Variants in DAP3 observed in about 807,000 individuals in gnomAD.
DAP3 encodes small ribosomal subunit protein mS29.
Under a neutral mutation model 51.9 loss-of-function variants are expected in DAP3, and 28 were observed. The ratio of observed to expected loss-of-function variants is 0.54; its 90% CI spans 0.40 to 0.74. The LOEUF (loss-of-function observed/expected upper bound fraction) is 0.74, where lower values mean the gene tolerates loss of function less well. Ranked by LOEUF, DAP3 falls within the 30% of genes least tolerant of loss-of-function variation. DAP3 has a pLI of 0.00. For synonymous variants in DAP3, 170 were observed against 170.3 expected (o/e 1.00, Z 0.01); for missense variants, 458 against 483.5 (o/e 0.95, Z 0.49).
intron 3 of DAP3, among the ~76,000 whole-genome samples, chr1:155,717,911 T>C (rs1042005455): frequency 6.6e-6 from 1 of 152,192 alleles, no homozygotes; most frequent in African/African-American, 2.4e-5. Flanking sequence ...TGATTTCTTT[T>C]TGTTGCTGCC....
rs371471347 is a variant in DAP3, at chr1:155,691,854, C to G, written c.-8+2680C>G. 2.1e-5 allele frequency among the ~76,000 whole-genome samples: 3 copies of G among 141,144 alleles called. No individual in the cohort carries two copies. In the East Asian group the frequency reaches 5.8e-4, roughly 27 times the overall value. The allele number at this position is 141,144 out of a possible 152,430, so 92.6% of individuals were successfully genotyped here. Reference sequence around the variant, plus strand: ...TTTGGGGGACCAGTCTCAGCACCACCCGTAGGGTATCCGAAGTCCGGTGGC... The same window carrying G: ...TTTGGGGGACCAGTCTCAGCACCACGCGTAGGGTATCCGAAGTCCGGTGGC... On this transcript the variant is annotated intron_variant, in intron 1 of 12. Transcript: ENST00000368336.
intron 2 of DAP3, 30 bp from the exon 3 acceptor site, chr1:155,716,976 C>T (rs373060703): frequency 3.8e-5 from 60 of 1,599,012 alleles, no homozygotes; most frequent in Non-Finnish European, 5.0e-5. Flanking sequence ...GTTTGATAAC[C>T]CCGTAACACT....
At chr1:155,694,474 G>A (rs1381029291) in intron 1 of DAP3, among the ~76,000 whole-genome samples, 3 of 141,654 alleles carry the variant, frequency 2.1e-5, no homozygotes, top group Non-Finnish European at 2.9e-5. Flanking sequence ...CTACCATCAG[G>A]TTACTCGAGG....
chr1:155,711,772 A>G (rs1193886456), intron 2 of DAP3, among the ~76,000 whole-genome samples: 1 of 151,322 alleles, frequency 6.6e-6, no homozygotes, highest in African/African-American at 2.5e-5. Flanking sequence ...CCAAGTCCCA[A>G]AACTTCAAAA....
At chr1:155,695,223 A>G (rs748467993) in intron 1 of DAP3, among the ~76,000 whole-genome samples, 2 of 152,256 alleles carry the variant, frequency 1.3e-5, no homozygotes, top group Non-Finnish European at 2.9e-5. Context: ...AGTAGACCAT[A>G]TAAATGAGAA....
chr1:155,703,310 A>G (rs903971407), intron 1 of DAP3, among the ~76,000 whole-genome samples: 3 of 152,228 alleles, frequency 2.0e-5, no homozygotes, highest in East Asian at 1.9e-4. Flanking sequence ...GGAGCAAGTC[A>G]TATCTTACAT....
chr1:155,723,916 G>T (rs1449872739), intron 4 of DAP3, among the ~76,000 whole-genome samples: 1 of 151,952 alleles, frequency 6.6e-6, no homozygotes. Context: ...GCACACGCCT[G>T]TAGTCACAGC....
intron 2 of DAP3, among the ~76,000 whole-genome samples, chr1:155,712,944 A>AT (rs1656901680): frequency 6.6e-6 from 1 of 152,180 alleles, no homozygotes; most frequent in Admixed American, 6.5e-5. Flanking sequence ...AGGGTGTGTT[A>AT]TTCAGATTGC....
Position 155,736,958 on chromosome 1 carries a change from G to A in DAP3, c.1006G>A (p.Ala336Thr), listed in dbSNP as rs750065441. The change falls in exon 12 of 13, where the codon GCC becomes ACC. Residue 336 changes from alanine to threonine, a missense_variant. Physicochemically the swap from Ala to Thr is moderately conservative, Grantham distance 58. Coordinates refer to ENST00000368336, the MANE Select transcript of DAP3 (RefSeq NM_004632.4). ...TTTTCTTCCCCAGGAAGGATTTGAT[G>A]CCCTGGATCCCTTTATTCCCATCCT... ...QELLGKEGFD[A>T]LDPFIPILVS... 1 of 1,613,460 alleles carries A rather than the reference G, an allele frequency of 6.2e-7. No individual in the cohort carries two copies. Among genetic ancestry groups the A allele is most frequent in the South Asian group, 1.1e-5 (1 of 91,072 alleles).
Position 155,729,854 on chromosome 1 carries a change from G to A in DAP3, c.843+488G>A, listed in dbSNP as rs185876011. On this transcript the variant is annotated intron_variant, in intron 9 of 12. Transcript: ENST00000368336. ...TCCCAGCACTTGGGGAGGCTGAGGC[G>A]GGCGGATCACCTGAGCTTGGAGTTC... Among the ~76,000 whole-genome samples the A allele has an allele frequency of 4.5e-3, 691 of 151,982 alleles. 3 individuals are homozygous for A. The highest frequency in any genetic ancestry group is 0.016 in the African/African-American group (668 of 41,464).
intron 1 of DAP3, among the ~76,000 whole-genome samples, chr1:155,699,812 C>T (rs1434729676): frequency 6.6e-6 from 1 of 152,092 alleles, no homozygotes; most frequent in African/African-American, 2.4e-5. Context: ...GACAAGGTCT[C>T]ATTATGTTGC....
At chr1:155,688,262 G>C, upstream of DAP3, 1 of 1,602,740 alleles carries the variant, frequency 6.2e-7, no homozygotes, top group Middle Eastern at 1.7e-4. Context: ...AAACTGAGAG[G>C]AGGCGGATCC....
intron 1 of DAP3, among the ~76,000 whole-genome samples, chr1:155,693,180 A>G (rs745912144): frequency 7.1e-6 from 1 of 141,840 alleles, no homozygotes; most frequent in East Asian, 1.9e-4. Flanking sequence ...CAAACGTGGA[A>G]TCAATACAGG....
In DAP3 at chr1:155,731,871, ATCT is replaced by A. The variant is rs1659271649; in HGVS notation, c.904-72_904-70del. ...TGTATGCCCAAGAAAGAAAAAAAAA[ATCT>A]ACAGATGATTAATGCAGTTTTCCAT... is the stretch of plus-strand genomic sequence containing the variant. On this transcript the variant is annotated intron_variant, in intron 10 of 12. Transcript: ENST00000368336. 6 of 1,455,132 alleles carry A rather than the reference ATCT, an allele frequency of 4.1e-6. No individual in the cohort carries two copies. The African/African-American group carries it at 4.3e-5, about 11-fold the overall frequency. The allele number at this position is 1,455,132 out of a possible 1,614,324, so 90.1% of individuals were successfully genotyped here.
intron 9 of DAP3, among the ~76,000 whole-genome samples, chr1:155,730,847 G>T (rs1659162390): frequency 1.3e-5 from 2 of 152,132 alleles, no homozygotes; most frequent in South Asian, 4.1e-4. Context: ...GCTGGTTTGG[G>T]GCAGTGGGTG....
At chr1:155,706,048 A>G (rs1021515254) in intron 1 of DAP3, among the ~76,000 whole-genome samples, 43 of 152,204 alleles carry the variant, frequency 2.8e-4, no homozygotes, top group African/African-American at 9.9e-4. Context: ...TGAGTGTATC[A>G]TGCAGGCTGG....
intron 11 of DAP3, among the ~76,000 whole-genome samples, chr1:155,735,754 C>A (rs1401998709): frequency 3.3e-5 from 5 of 151,414 alleles, no homozygotes; most frequent in Non-Finnish European, 5.9e-5. Context: ...TCACTGCAAC[C>A]TCCACCTCCC....
chr1:155,689,922 C>T (rs1315137732), intron 1 of DAP3, among the ~76,000 whole-genome samples: 2 of 151,992 alleles, frequency 1.3e-5, no homozygotes, highest in Non-Finnish European at 2.9e-5. Flanking sequence ...CACACACACA[C>T]ACACACGAAA....
intron 7 of DAP3, 87 bp downstream of exon 7, chr1:155,727,825 T>TA: frequency 7.2e-7 from 1 of 1,392,322 alleles, no homozygotes; most frequent in Non-Finnish European, 9.6e-7. Flanking sequence ...GGAGAACTGA[T>TA]ACTGGAGTTG....
Sources: gnomAD v4.1 joint callset for allele counts (sites outside exome capture counted in the v4.1 genomes callset) on GRCh38, gnomAD v4.1.1 for gene constraint, MANE v1.5 for transcripts, NCBI Gene and HGNC (gene_info 2026-07-23, HGNC 2026-07-21) for gene names.